KCNH7: variants seen among roughly 807,000 people sequenced by gnomAD.
KCNH7 encodes voltage-gated inwardly rectifying potassium channel KCNH7.
KCNH7 carries 49 observed loss-of-function variants against 120.8 expected under a neutral mutation model. The observed-to-expected ratio is 0.41, with a 90% CI of 0.32 to 0.51. The LOEUF (loss-of-function observed/expected upper bound fraction) is 0.51, where lower values mean the gene tolerates loss of function less well. Among genes scored for constraint, KCNH7 ranks in the 20% least tolerant of loss-of-function variants. The pLI, the probability that KCNH7 is intolerant of heterozygous loss-of-function variation, is 0.38. For synonymous variants in KCNH7, 547 were observed against 516.1 expected, an observed-to-expected ratio of 1.06 and a Z score of -0.81; for missense variants, 1,097 against 1,446.6, an observed-to-expected ratio of 0.76 and a Z score of 3.92.
chr2:162,632,480 C>A (rs1168503065), intron 2 of KCNH7, among the ~76,000 whole-genome samples: 2 of 151,730 alleles, frequency 1.3e-5, no homozygotes, highest in Non-Finnish European at 2.9e-5. Context: ...TTATCAAACT[C>A]TCAACATTAT....
chr2:162,638,956 T>C (rs1684054707), intron 2 of KCNH7, among the ~76,000 whole-genome samples: 1 of 152,148 alleles, frequency 6.6e-6, no homozygotes, highest in African/African-American at 2.4e-5. Flanking sequence ...TATTATCATT[T>C]GAACCTTACT....
chr2:162,618,335 C>G (rs1341264363), intron 2 of KCNH7, among the ~76,000 whole-genome samples: 1 of 151,688 alleles, frequency 6.6e-6, no homozygotes, highest in Non-Finnish European at 1.5e-5. Flanking sequence ...AAGATAAAAT[C>G]AAATTATTCT....
intron 2 of KCNH7, among the ~76,000 whole-genome samples, chr2:162,544,208 C>T (rs1406563107): frequency 1.3e-5 from 2 of 152,076 alleles, no homozygotes; most frequent in Non-Finnish European, 1.5e-5. Context: ...CACTGTGCTC[C>T]GGGTAATGTA....
intron 6 of KCNH7, among the ~76,000 whole-genome samples, chr2:162,461,162 G>A (rs1419994334): frequency 6.6e-6 from 1 of 152,102 alleles, no homozygotes; most frequent in East Asian, 1.9e-4. Context: ...CCATGGATGG[G>A]CATCAACAAA....
chr2:162,750,808 G>A (rs567551390), intron 2 of KCNH7, among the ~76,000 whole-genome samples: 1 of 152,226 alleles, frequency 6.6e-6, no homozygotes, highest in Non-Finnish European at 1.5e-5. Flanking sequence ...TCACACGTGG[G>A]AACAAGAGGG....
At chr2:162,518,885 C>T (rs1691418522) in intron 3 of KCNH7, among the ~76,000 whole-genome samples, 1 of 148,342 alleles carries the variant, frequency 6.7e-6, no homozygotes, top group East Asian at 2.0e-4. Context: ...GGCTGATGCA[C>T]AGAAGGACAA....
intron 2 of KCNH7, among the ~76,000 whole-genome samples, chr2:162,727,734 G>GA (rs1286537510): frequency 2.0e-5 from 3 of 152,056 alleles, no homozygotes; most frequent in Non-Finnish European, 2.9e-5. Context: ...TCTTGTTGAT[G>GA]AACACTTGGG....
chr2:162,776,955 T>C (rs1683263101), intron 2 of KCNH7, among the ~76,000 whole-genome samples: 1 of 151,862 alleles, frequency 6.6e-6, no homozygotes, highest in Admixed American at 6.6e-5. Context: ...CTTTTAGTTC[T>C]TCTTCACTCT....
intron 2 of KCNH7, among the ~76,000 whole-genome samples, chr2:162,628,147 T>C (rs903649843): frequency 5.9e-5 from 9 of 152,254 alleles, no homozygotes; most frequent in African/African-American, 1.4e-4. Flanking sequence ...AATTGCATTG[T>C]AAATGAAGGT....
chr2:162,702,788 T>C (rs1299265351), intron 2 of KCNH7, among the ~76,000 whole-genome samples: 1 of 152,170 alleles, frequency 6.6e-6, no homozygotes, highest in Admixed American at 6.5e-5. Flanking sequence ...GAGTTTCTAT[T>C]TGTCCTCTCA....
chr2:162,819,067 C>T (rs561822433), intron 2 of KCNH7, among the ~76,000 whole-genome samples: 4 of 152,232 alleles, frequency 2.6e-5, no homozygotes, highest in African/African-American at 9.6e-5. Flanking sequence ...ACAAGAAGAG[C>T]TGCATAAGTA....
chr2:162,512,553 T>A, intron 5 of KCNH7, 101 bp downstream of exon 5: 1 of 973,794 alleles, frequency 1.0e-6, no homozygotes, highest in Admixed American at 2.1e-5. Flanking sequence ...AAGGGCAGCA[T>A]GAAGATGTTG....
chr2:162,550,967 A>G (rs1428390463), intron 2 of KCNH7, among the ~76,000 whole-genome samples: 2 of 152,020 alleles, frequency 1.3e-5, no homozygotes, highest in African/African-American at 4.8e-5. Context: ...AATCAGGACA[A>G]AAATGTTGGT....
intron 2 of KCNH7, among the ~76,000 whole-genome samples, chr2:162,639,181 A>G (rs1487596466): frequency 6.6e-6 from 1 of 152,148 alleles, no homozygotes; most frequent in East Asian, 1.9e-4. Flanking sequence ...TTCTTACAGG[A>G]GAATCTTTCA....
At chr2:162,792,155 G>A (rs1683969295) in intron 2 of KCNH7, among the ~76,000 whole-genome samples, 1 of 152,020 alleles carries the variant, frequency 6.6e-6, no homozygotes, top group Non-Finnish European at 1.5e-5. Flanking sequence ...TGGTGGATAA[G>A]CTTTTTGATG....
chr2:162,745,150 A>AGT (rs1688271783), intron 2 of KCNH7, among the ~76,000 whole-genome samples: 1 of 152,226 alleles, frequency 6.6e-6, no homozygotes, highest in African/African-American at 2.4e-5. Flanking sequence ...CTTTTTGTGA[A>AGT]CTTGACTAGT....
chr2:162,827,841 T>C lies in KCNH7; in HGVS notation c.307+8696A>G, dbSNP rs192630952. On this transcript the variant is annotated intron_variant, in intron 2 of 15. Coordinates refer to ENST00000332142, the MANE Select transcript of KCNH7 (RefSeq NM_033272.4). The stretch of plus-strand genomic sequence containing the variant: ...AACTTATCTGTAAAATGGGATAACG[T>C]CTGCTCCCAAAGCTGTCATGAAAAT... 4.6e-5 allele frequency among the ~76,000 whole-genome samples: 7 copies of C among 152,250 alleles called. No homozygotes were observed. The East Asian group carries it at 9.7e-4, about 21-fold the overall frequency.
At chr2:162,712,639 G>A (rs186497420) in intron 2 of KCNH7, among the ~76,000 whole-genome samples, 1 of 152,262 alleles carries the variant, frequency 6.6e-6, no homozygotes, top group East Asian at 1.9e-4. Flanking sequence ...CTTGAAATAG[G>A]TTAATGTACA....
At chr2:162,427,262 G>C (rs1056873304) in intron 8 of KCNH7, among the ~76,000 whole-genome samples, 1 of 151,782 alleles carries the variant, frequency 6.6e-6, no homozygotes, top group Non-Finnish European at 1.5e-5. Context: ...TGAGTTGTGT[G>C]GTACATTTAA....
Sources: allele counts gnomAD v4.1 joint callset (sites outside exome capture counted in the v4.1 genomes callset), GRCh38; gene constraint gnomAD v4.1.1; transcripts MANE v1.5; gene names NCBI Gene and HGNC (gene_info 2026-07-23, HGNC 2026-07-21).